The following TBL1Y variants were observed in gnomAD, a reference collection of about 807,000 sequenced individuals.
TBL1Y encodes F-box-like/WD repeat-containing protein TBL1Y.
Under a neutral mutation model 12.0 loss-of-function variants are expected in TBL1Y, and 15 were observed. The observed-to-expected ratio is 1.25, with a 90% CI of 0.83 to 1.92. TBL1Y has a LOEUF of 1.92. TBL1Y is among the 40% of genes most tolerant of loss of function. TBL1Y has a pLI of 0.00. For missense variants in TBL1Y, 148 were observed against 116.7 expected (o/e 1.27, Z -1.24); for synonymous variants, 53 against 42.6 (o/e 1.24, Z -0.95).
At chrY:6,922,673 T>C in intron 2 of TBL1Y, among the ~76,000 whole-genome samples, 2 of 34,450 alleles carry the variant, frequency 5.8e-5, no homozygotes, top group Non-Finnish European at 1.5e-4. Flanking sequence ...AGAGTGCTGA[T>C]TGGTGTGTTT....
At chrY:6,994,695 T>C (rs2012399009) in intron 3 of TBL1Y, among the ~76,000 whole-genome samples, 1 of 33,897 alleles carries the variant, frequency 3.0e-5, no homozygotes, top group Non-Finnish European at 7.3e-5. Context: ...TAGTTTTTCA[T>C]CACTAAAATA....
Position 7,085,914 on chromosome Y carries a change from T to C in TBL1Y, c.1094T>C (p.Ile365Thr). The change falls in exon 15 of 19, where the codon ATC becomes ACC. Residue 365 changes from isoleucine (I) to threonine (T), a missense_variant. Coordinates refer to ENST00000383032, the MANE Select transcript of TBL1Y (RefSeq NM_033284.2). ...CTGTTTCAGAACGAGGTCAATGCCATCAAATGGGATCCTTCTGGAATGTTG... is the reference window on the plus strand; with the variant it reads ...CTGTTTCAGAACGAGGTCAATGCCACCAAATGGGATCCTTCTGGAATGTTG... ...FQGHTNEVNA[I>T]KWDPSGMLLA... is the part of the protein sequence containing the mutation. 2.5e-6 allele frequency: 1 copy of C among 397,572 alleles called. No individual in the cohort carries two copies. The highest frequency in any genetic ancestry group is 3.5e-6 in the Non-Finnish European group (1 of 283,204).
At chrY:6,995,552 G>A in intron 3 of TBL1Y, among the ~76,000 whole-genome samples, 1 of 33,504 alleles carries the variant, frequency 3.0e-5, no homozygotes, top group Non-Finnish European at 7.4e-5. Flanking sequence ...AAAGCCAGAT[G>A]CAGAAGTAGA....
At chrY:6,978,557 T>A in intron 3 of TBL1Y, among the ~76,000 whole-genome samples, 1 of 34,135 alleles carries the variant, frequency 2.9e-5, no homozygotes, top group African/African-American at 1.1e-4. Context: ...TTCTACCTCA[T>A]GATGCAGTAT....
intron 6 of TBL1Y, among the ~76,000 whole-genome samples, chrY:7,032,190 C>T: frequency 3.1e-5 from 1 of 32,579 alleles, no homozygotes; most frequent in African/African-American, 1.2e-4. Context: ...TGGAGGCTCA[C>T]ATCTGTAATC....
At chrY:7,088,644 T>C in intron 17 of TBL1Y, among the ~76,000 whole-genome samples, 2 of 32,818 alleles carry the variant, frequency 6.1e-5, no homozygotes, top group Admixed American at 5.6e-4. Flanking sequence ...TGTGAAAATA[T>C]GTCAATCATC....
intron 17 of TBL1Y, among the ~76,000 whole-genome samples, chrY:7,089,491 A>G: frequency 3.0e-5 from 1 of 33,168 alleles, no homozygotes; most frequent in African/African-American, 1.2e-4. Flanking sequence ...TTACAGGTCT[A>G]TAGGAAGTCC....
intron 2 of TBL1Y, among the ~76,000 whole-genome samples, chrY:6,953,700 G>C: frequency 2.9e-5 from 1 of 33,962 alleles, no homozygotes; most frequent in Admixed American, 2.7e-4. Context: ...TCTCTGTCCA[G>C]CTTTTTTCTG....
intron 2 of TBL1Y, among the ~76,000 whole-genome samples, chrY:6,971,915 G>A: frequency 8.9e-5 from 3 of 33,842 alleles, no homozygotes; most frequent in South Asian, 6.6e-4. Context: ...CGCAAAAGCC[G>A]TATATTCTTA....
At chrY:6,933,960 G>A (rs2011883863) in intron 2 of TBL1Y, among the ~76,000 whole-genome samples, 1 of 33,068 alleles carries the variant, frequency 3.0e-5, no homozygotes, top group Non-Finnish European at 7.4e-5. Context: ...AAAATCCCAT[G>A]GAGCTTATGA....
chrY:7,047,132 G>C, intron 7 of TBL1Y, among the ~76,000 whole-genome samples: 1 of 33,561 alleles, frequency 3.0e-5, no homozygotes, highest in Non-Finnish European at 7.3e-5. Flanking sequence ...CAGTGTAAAA[G>C]TGTTCTTTAA....
intron 4 of TBL1Y, among the ~76,000 whole-genome samples, chrY:7,015,797 G>A: frequency 2.9e-5 from 1 of 33,919 alleles, no homozygotes; most frequent in Non-Finnish European, 7.3e-5. Flanking sequence ...GATGACACAT[G>A]CTAAACTACT....
intron 3 of TBL1Y, among the ~76,000 whole-genome samples, chrY:6,979,885 C>T (rs745988115): frequency 3.0e-5 from 1 of 33,510 alleles, no homozygotes; most frequent in African/African-American, 1.2e-4. Context: ...ACCATGTTAG[C>T]CAGGCTGGTC....
At chrY:6,941,437 C>G in intron 2 of TBL1Y, among the ~76,000 whole-genome samples, 3 of 33,405 alleles carry the variant, frequency 9.0e-5, no homozygotes, top group Admixed American at 8.2e-4. Flanking sequence ...AGGAGAATAG[C>G]TTGAATCCAG....
chrY:7,013,793 C>G, intron 4 of TBL1Y, among the ~76,000 whole-genome samples: 1 of 34,274 alleles, frequency 2.9e-5, no homozygotes, highest in African/African-American at 1.1e-4. Context: ...TGGAGAATCT[C>G]CTTAAAATCT....
chrY:7,065,262 G>A, intron 8 of TBL1Y, among the ~76,000 whole-genome samples: 2 of 32,950 alleles, frequency 6.1e-5, no homozygotes, highest in Non-Finnish European at 1.5e-4. Flanking sequence ...TGGTAGTAGC[G>A]AATAAGTCTC....
intron 2 of TBL1Y, chrY:6,920,836 TTAAAA>T (rs2011771716): frequency 3.0e-5 from 1 of 33,837 alleles, no homozygotes; most frequent in Non-Finnish European, 7.3e-5. Flanking sequence ...TTTCCCATGA[TTAAAA>T]TAAGCAGTAT....
intron 12 of TBL1Y, among the ~76,000 whole-genome samples, chrY:7,073,443 T>TTCTCTC (rs1448325498): frequency 7.0e-5 from 2 of 28,394 alleles, no homozygotes; most frequent in Non-Finnish European, 1.7e-4. Flanking sequence ...CATAAGGTCT[T>TTCTCTC]TCTCTCTCTC....
At chrY:7,011,885 A>T in intron 4 of TBL1Y, among the ~76,000 whole-genome samples, 1 of 33,733 alleles carries the variant, frequency 3.0e-5, no homozygotes, top group Non-Finnish European at 7.3e-5. Flanking sequence ...CTGTTTACAT[A>T]AACACACCTA....
Sources: gnomAD v4.1 joint callset for allele counts (sites outside exome capture counted in the v4.1 genomes callset) on GRCh38, gnomAD v4.1.1 for gene constraint, MANE v1.5 for transcripts, NCBI Gene and HGNC (gene_info 2026-07-23, HGNC 2026-07-21) for gene names.